CBLB: variants seen among roughly 807,000 people sequenced by gnomAD.
The protein encoded by CBLB is E3 ubiquitin-protein ligase CBL-B.
In CBLB, 31 loss-of-function variants were observed where a neutral mutation model predicts 104.9. That is an observed-to-expected ratio of 0.30 (90% confidence interval 0.22 to 0.40). The LOEUF is 0.40. CBLB is among the 10% of genes least tolerant of loss of function. The pLI is 1.00. For missense variants in CBLB, 1,062 were observed against 1,214.6 expected, an observed-to-expected ratio of 0.87 and a Z score of 1.87; for synonymous variants, 440 against 422.6, an observed-to-expected ratio of 1.04 and a Z score of -0.51.
At chr3:105,807,226 G>C (rs1320483586) in intron 3 of CBLB, among the ~76,000 whole-genome samples, 4 of 152,154 alleles carry the variant, frequency 2.6e-5, no homozygotes. Context: ...AGAAAGATTA[G>C]TCACTTATTT....
At chr3:105,662,772 T>C (rs2152674109) in intron 18 of CBLB, among the ~76,000 whole-genome samples, 1 of 152,332 alleles carries the variant, frequency 6.6e-6, no homozygotes, top group East Asian at 1.9e-4. Flanking sequence ...CAACTCTTCT[T>C]TGAGAAAGAA....
intron 3 of CBLB, among the ~76,000 whole-genome samples, chr3:105,777,268 T>C (rs1042207053): frequency 6.6e-6 from 1 of 152,234 alleles, no homozygotes; most frequent in Non-Finnish European, 1.5e-5. Flanking sequence ...GGAAGGGTTC[T>C]AGATATATGC....
At chr3:105,760,795 T>C (rs2077545240) in intron 4 of CBLB, among the ~76,000 whole-genome samples, 1 of 152,216 alleles carries the variant, frequency 6.6e-6, no homozygotes, top group Non-Finnish European at 1.5e-5. Flanking sequence ...GCATATATTG[T>C]TGTGCATAAT....
intron 3 of CBLB, among the ~76,000 whole-genome samples, chr3:105,848,621 G>T (rs754993142): frequency 5.3e-5 from 8 of 152,028 alleles, no homozygotes; most frequent in Non-Finnish European, 1.2e-4. Context: ...CAACAGAGGT[G>T]CAGGAACATT....
chr3:105,748,377 T>G (rs2076301045), intron 5 of CBLB, among the ~76,000 whole-genome samples: 1 of 152,174 alleles, frequency 6.6e-6, no homozygotes, highest in Non-Finnish European at 1.5e-5. Flanking sequence ...TTCTTTGATT[T>G]TCCTCACTAT....
At chr3:105,833,290 TG>T (rs776326969) in intron 3 of CBLB, among the ~76,000 whole-genome samples, 4 of 152,232 alleles carry the variant, frequency 2.6e-5, no homozygotes, top group Non-Finnish European at 5.9e-5. Context: ...CAACTCATTC[TG>T]TAGCAAATAA....
chr3:105,735,324 G>T (rs1047772177), intron 8 of CBLB, among the ~76,000 whole-genome samples: 3 of 152,078 alleles, frequency 2.0e-5, no homozygotes, highest in Admixed American at 2.0e-4. Flanking sequence ...AAATGGAGAA[G>T]AAATAAAACT....
intron 9 of CBLB, among the ~76,000 whole-genome samples, chr3:105,727,162 CTCA>C (rs761695516): frequency 6.6e-5 from 10 of 152,222 alleles, no homozygotes; most frequent in Non-Finnish European, 1.5e-4. Context: ...AATTTACACT[CTCA>C]TCAACAGTGT....
intron 8 of CBLB, among the ~76,000 whole-genome samples, chr3:105,735,440 AATTAC>A (rs2074812474): frequency 6.6e-6 from 1 of 152,216 alleles, no homozygotes; most frequent in Non-Finnish European, 1.5e-5. Context: ...TTATAAAAAA[AATTAC>A]ATTAAGCTAA....
chr3:105,843,824 C>A (rs1384836478), intron 3 of CBLB, among the ~76,000 whole-genome samples: 3 of 152,116 alleles, frequency 2.0e-5, no homozygotes, highest in Non-Finnish European at 4.4e-5. Context: ...GTTTTTCAAA[C>A]CTCCATGACA....
At chr3:105,662,736 G>A (rs889931101) in intron 18 of CBLB, among the ~76,000 whole-genome samples, 2 of 152,156 alleles carry the variant, frequency 1.3e-5, no homozygotes, top group East Asian at 1.9e-4. Flanking sequence ...TTTACCTAAT[G>A]TCCCAGCCCT....
rs192667864 is a variant in CBLB at position 105,734,757 on chromosome 3, T to C, written c.1072-617A>G. On this transcript the variant is annotated intron_variant, in intron 8 of 18. Coordinates refer to ENST00000394030, the MANE Select transcript of CBLB (RefSeq NM_170662.5). ...TCAGTTTAACTTGTTTGCTTCAAAC[T>C]CTAAATTAAGCCTCTGACTAAAAAG... 7.2e-4 allele frequency among the ~76,000 whole-genome samples: 110 copies of C among 152,324 alleles called. No individual in the cohort carries two copies. In the Middle Eastern group the frequency reaches 0.014, roughly 19 times the overall value.
At chr3:105,725,472 G>A (rs1311597175) in intron 9 of CBLB, among the ~76,000 whole-genome samples, 1 of 152,166 alleles carries the variant, frequency 6.6e-6, no homozygotes, top group African/African-American at 2.4e-5. Flanking sequence ...CTACAATATA[G>A]TGGGCATCCA....
intron 9 of CBLB, among the ~76,000 whole-genome samples, chr3:105,732,548 T>C (rs1289342630): frequency 6.6e-6 from 1 of 152,172 alleles, no homozygotes; most frequent in Non-Finnish European, 1.5e-5. Flanking sequence ...CAAAGATCTC[T>C]GGGCATTCAG....
intron 9 of CBLB, among the ~76,000 whole-genome samples, chr3:105,726,861 G>A (rs1395780640): frequency 6.6e-6 from 1 of 152,144 alleles, no homozygotes; most frequent in Non-Finnish European, 1.5e-5. Context: ...CTTCAACCAT[G>A]TCCCTGCAAA....
intron 3 of CBLB, among the ~76,000 whole-genome samples, chr3:105,817,869 C>T (rs1345178360): frequency 6.6e-6 from 1 of 152,142 alleles, no homozygotes; most frequent in Non-Finnish European, 1.5e-5. Context: ...CAAAGTACAT[C>T]ATCACAACCA....
intron 3 of CBLB, among the ~76,000 whole-genome samples, chr3:105,787,576 C>T (rs2081170825): frequency 6.6e-6 from 1 of 152,200 alleles, no homozygotes; most frequent in Non-Finnish European, 1.5e-5. Context: ...TAAGCAAAAA[C>T]TGTGAATCCA....
chr3:105,835,708 A>G (rs1486713630), intron 3 of CBLB, among the ~76,000 whole-genome samples: 1 of 152,182 alleles, frequency 6.6e-6, no homozygotes, highest in Non-Finnish European at 1.5e-5. Context: ...TCCTAAAATA[A>G]CATCTAATTA....
intron 4 of CBLB, among the ~76,000 whole-genome samples, chr3:105,752,922 A>G (rs894212659): frequency 1.3e-5 from 2 of 152,228 alleles, no homozygotes; most frequent in African/African-American, 4.8e-5. Flanking sequence ...TTGAGAGCCT[A>G]CTATATCTAT....
Sources: allele counts gnomAD v4.1 joint callset (sites outside exome capture counted in the v4.1 genomes callset), GRCh38; gene constraint gnomAD v4.1.1; transcripts MANE v1.5; gene names NCBI Gene and HGNC (gene_info 2026-07-23, HGNC 2026-07-21).